DGKI: variants seen among roughly 807,000 people sequenced by gnomAD.
DGKI encodes the protein diacylglycerol kinase iota.
Under a neutral mutation model 147.5 loss-of-function variants are expected in DGKI, and 55 were observed. The ratio of observed to expected loss-of-function variants is 0.37; its 90% confidence interval spans 0.30 to 0.47. The LOEUF (loss-of-function observed/expected upper bound fraction) is 0.47, where lower values mean the gene tolerates loss of function less well. DGKI is among the 20% of genes least tolerant of loss of function. The pLI is 1.00. For missense variants in DGKI, 1,007 were observed against 1,323.8 expected (o/e 0.76, Z 3.71); for synonymous variants, 469 against 477.1 (o/e 0.98, Z 0.22).
intron 30 of DGKI, among the ~76,000 whole-genome samples, chr7:137,401,702 T>C (rs573491791): frequency 2.0e-5 from 3 of 152,134 alleles, no homozygotes; most frequent in South Asian, 2.1e-4. Flanking sequence ...GTTTCCTCAA[T>C]AGAAAAGGAA....
intron 1 of DGKI, among the ~76,000 whole-genome samples, chr7:137,694,726 A>G (rs1220844130): frequency 1.3e-5 from 2 of 152,188 alleles, no homozygotes; most frequent in African/African-American, 4.8e-5. Context: ...CTTTTTTCTT[A>G]TACCATATGG....
At chr7:137,765,508 G>T (rs1795989548) in intron 1 of DGKI, among the ~76,000 whole-genome samples, 1 of 152,168 alleles carries the variant, frequency 6.6e-6, no homozygotes, top group African/African-American at 2.4e-5. Flanking sequence ...CAAAGTCACT[G>T]CCCAGAGCAA....
chr7:137,596,202 A>G (rs1446760601), intron 12 of DGKI, among the ~76,000 whole-genome samples: 6 of 151,928 alleles, frequency 3.9e-5, no homozygotes, highest in African/African-American at 1.5e-4. Context: ...TGAGTTAAGA[A>G]AGAGGAAGGA....
At chr7:137,779,728 T>C (rs550981186) in intron 1 of DGKI, among the ~76,000 whole-genome samples, 13 of 152,288 alleles carry the variant, frequency 8.5e-5, no homozygotes, top group Admixed American at 1.3e-4. Flanking sequence ...TAAGACAGTT[T>C]ATAAGTTTTA....
At chr7:137,814,016 A>G (rs1797665891) in intron 1 of DGKI, among the ~76,000 whole-genome samples, 1 of 152,208 alleles carries the variant, frequency 6.6e-6, no homozygotes, top group Non-Finnish European at 1.5e-5. Context: ...AGTACAGGAC[A>G]TATTGTGAAA....
chr7:137,481,929 T>C (rs1201755617), intron 23 of DGKI, among the ~76,000 whole-genome samples: 2 of 152,090 alleles, frequency 1.3e-5, no homozygotes, highest in African/African-American at 4.8e-5. Context: ...TTTAATGTCA[T>C]CTCATAGACA....
chr7:137,802,240 G>A (rs1797235261), intron 1 of DGKI, among the ~76,000 whole-genome samples: 1 of 152,128 alleles, frequency 6.6e-6, no homozygotes. Context: ...TCAGAGGGAA[G>A]GGTGGGAGGT....
chr7:137,790,287 G>A (rs143075430), intron 1 of DGKI, among the ~76,000 whole-genome samples: 8 of 149,368 alleles, frequency 5.4e-5, no homozygotes, highest in African/African-American at 1.5e-4. Context: ...CCACTCTTTC[G>A]CCCAGGCCTA....
At chr7:137,755,315 G>T (rs1239657745) in intron 1 of DGKI, among the ~76,000 whole-genome samples, 1 of 152,086 alleles carries the variant, frequency 6.6e-6, no homozygotes, top group African/African-American at 2.4e-5. Flanking sequence ...CCAAACGAGG[G>T]GGCCAATCCA....
intron 25 of DGKI, 97 bp from the exon 26 acceptor site, chr7:137,466,132 CA>C: frequency 7.0e-7 from 1 of 1,434,066 alleles, no homozygotes; most frequent in Non-Finnish European, 9.6e-7. Context: ...CAAAGGATCA[CA>C]CTGTGTTGTC....
At chr7:137,815,855 C>T (rs534980469) in intron 1 of DGKI, among the ~76,000 whole-genome samples, 1 of 151,892 alleles carries the variant, frequency 6.6e-6, no homozygotes, top group South Asian at 2.1e-4. Context: ...CTCTACTGCT[C>T]TTTCTATTTT....
intron 20 of DGKI, among the ~76,000 whole-genome samples, chr7:137,548,470 T>C (rs1585219671): frequency 6.6e-6 from 1 of 152,036 alleles, no homozygotes; most frequent in African/African-American, 2.4e-5. Context: ...TCTGAGTTCA[T>C]GTGAGAATTA....
intron 29 of DGKI, among the ~76,000 whole-genome samples, chr7:137,410,966 G>T (rs1432637765): frequency 1.3e-5 from 2 of 152,230 alleles, no homozygotes; most frequent in Non-Finnish European, 2.9e-5. Flanking sequence ...AGGATTATGT[G>T]CCTAAAGGGG....
intron 20 of DGKI, chr7:137,545,957 T>C (rs752162901): frequency 1.4e-6 from 1 of 702,600 alleles, no homozygotes; most frequent in African/African-American, 1.7e-5. Flanking sequence ...TTGCACCTGA[T>C]GAATACTAGA....
chr7:137,393,647 T>G (rs1811445503), intron 32 of DGKI, among the ~76,000 whole-genome samples: 1 of 152,242 alleles, frequency 6.6e-6, no homozygotes, highest in Admixed American at 6.5e-5. Flanking sequence ...CAATTACTTT[T>G]ACACCAACCT....
At chr7:137,712,556 C>G (rs1435244905) in intron 1 of DGKI, among the ~76,000 whole-genome samples, 1 of 152,154 alleles carries the variant, frequency 6.6e-6, no homozygotes, top group East Asian at 1.9e-4. Flanking sequence ...CTGTCCAAAG[C>G]TGTCACCCTA....
At chr7:137,412,888 T>C (rs1812214864) in intron 28 of DGKI, among the ~76,000 whole-genome samples, 1 of 152,122 alleles carries the variant, frequency 6.6e-6, no homozygotes, top group Non-Finnish European at 1.5e-5. Flanking sequence ...AGGTAATAGG[T>C]AACTTAAACT....
chr7:137,420,884 C>T lies in DGKI; in HGVS notation c.2762-8677G>A, dbSNP rs754987517. Among the ~76,000 whole-genome samples the T allele has an allele frequency of 3.9e-4, 59 of 152,068 alleles. 1 individual carries two copies. The highest frequency in any genetic ancestry group is 6.8e-3 in the Middle Eastern group (2 of 294). On this transcript the variant is annotated intron_variant, in intron 28 of 32. Transcript: ENST00000614521. ...AAATACAAAAATTAGCTGGGCATGA[C>T]GGTGGAAGCCTGTAGTCCCAGCTAC...
At chr7:137,838,001 T>C (rs1319471754) in intron 1 of DGKI, among the ~76,000 whole-genome samples, 9 of 144,686 alleles carry the variant, frequency 6.2e-5, no homozygotes, top group Admixed American at 6.2e-4. Context: ...GAGAAACTTT[T>C]TTTTTTTTTT....
Sources: gnomAD v4.1 joint callset for allele counts (sites outside exome capture counted in the v4.1 genomes callset) on GRCh38, gnomAD v4.1.1 for gene constraint, MANE v1.5 for transcripts, NCBI Gene and HGNC (gene_info 2026-07-23, HGNC 2026-07-21) for gene names.